RBFOX1: variants seen among roughly 807,000 people sequenced by gnomAD.
RBFOX1 encodes the protein RNA binding protein fox-1 homolog 1.
A neutral mutation model predicts 57.7 loss-of-function variants in RBFOX1; 8 were observed. That is an observed-to-expected ratio of 0.14 (90% CI 0.08 to 0.25). The LOEUF is 0.25. Ranked by LOEUF, RBFOX1 falls within the 10% of genes least tolerant of loss-of-function variation. RBFOX1 has a pLI of 1.00. For missense variants in RBFOX1, 611 were observed against 548.5 expected (o/e 1.11, Z -1.14); for synonymous variants, 326 against 222.4 (o/e 1.47, Z -4.15).
At chr16:6,999,524 A>T (rs1488037791) in intron 3 of RBFOX1, among the ~76,000 whole-genome samples, 4 of 151,872 alleles carry the variant, frequency 2.6e-5, no homozygotes, top group African/African-American at 9.7e-5. Context: ...AAAATGTTTT[A>T]TTATGAAAAA....
intron 1 of RBFOX1, among the ~76,000 whole-genome samples, chr16:6,134,755 G>T (rs112342322): frequency 3.3e-5 from 5 of 151,360 alleles, no homozygotes; most frequent in Admixed American, 3.3e-4. Context: ...TCGGCTCACT[G>T]CAATCTCCGC....
At chr16:6,990,711 G>T (rs145409924) in intron 3 of RBFOX1, among the ~76,000 whole-genome samples, 122 of 152,212 alleles carry the variant, frequency 8.0e-4, no homozygotes, top group African/African-American at 2.7e-3. Context: ...TTGTGAATGT[G>T]AGCTTGGACA....
At chr16:5,765,848 G>A (rs1245390524) in intron 3 of RBFOX1, among the ~76,000 whole-genome samples, 1 of 152,240 alleles carries the variant, frequency 6.6e-6, no homozygotes, top group Admixed American at 6.5e-5. Context: ...ACAAGGATGG[G>A]AGTGTGGAAG....
intron 3 of RBFOX1, among the ~76,000 whole-genome samples, chr16:5,743,198 C>A (rs2151596802): frequency 6.6e-6 from 1 of 152,228 alleles, no homozygotes; most frequent in African/African-American, 2.4e-5. Context: ...CTTTGTATGT[C>A]TCTGTGAATC....
At position 7,389,119 on chromosome 16, in the gene RBFOX1, CTTTTTA is replaced by C. The variant is rs540259114; in HGVS notation, c.28-129010_28-129005del. On this transcript the variant is annotated intron_variant, in intron 4 of 15. Transcript: ENST00000550418. ...TACAAGTTGGTCTATTTCTTTGTTC[CTTTTTA>C]TTTTTATTTTTATTTTTGGAGGCAG... Among the ~76,000 whole-genome samples the C allele has an allele frequency of 3.4e-3, 522 of 152,052 alleles. 2 individuals are homozygous for C. The highest frequency in any genetic ancestry group is 4.3e-3 in the Non-Finnish European group (289 of 67,950).
At chr16:5,686,351 T>C (rs2050504508) in intron 3 of RBFOX1, among the ~76,000 whole-genome samples, 1 of 152,232 alleles carries the variant, frequency 6.6e-6, no homozygotes, top group Non-Finnish European at 1.5e-5. Flanking sequence ...ATATAATTTG[T>C]AGTTTTGGGT....
At chr16:6,830,662 C>T (rs375071003) in intron 3 of RBFOX1, among the ~76,000 whole-genome samples, 1 of 152,162 alleles carries the variant, frequency 6.6e-6, no homozygotes, top group East Asian at 1.9e-4. Context: ...TACACAAAGA[C>T]TTCCCCAAGC....
At chr16:5,462,325 C>A (rs954632154) in intron 1 of RBFOX1, among the ~76,000 whole-genome samples, 1 of 152,080 alleles carries the variant, frequency 6.6e-6, no homozygotes, top group Non-Finnish European at 1.5e-5. Flanking sequence ...CCCGCCACCA[C>A]GCCCGGCTAA....
chr16:7,688,221 ATGTGTGTGTGTGTGTGTG>A (rs3029191), intron 14 of RBFOX1, among the ~76,000 whole-genome samples: 1,864 of 121,016 alleles, frequency 0.015, 72 homozygotes, highest in African/African-American at 0.055. Context: ...GCAGGTTTAA[ATGTGTGTGTGTGTGTGTG>A]TGTGTGTGTG....
chr16:7,250,977 TTAATA>T (rs1208253940), intron 4 of RBFOX1, among the ~76,000 whole-genome samples: 19 of 151,522 alleles, frequency 1.3e-4, no homozygotes, highest in African/African-American at 4.4e-4. Flanking sequence ...GTCAGGCTAA[TTAATA>T]CGTGTATTAT....
intron 4 of RBFOX1, among the ~76,000 whole-genome samples, chr16:7,313,591 A>G (rs2096370817): frequency 6.6e-6 from 1 of 151,462 alleles, no homozygotes; most frequent in Admixed American, 6.6e-5. Flanking sequence ...CTTCTTCCAC[A>G]ATGATGATCA....
intron 1 of RBFOX1, among the ~76,000 whole-genome samples, chr16:5,252,142 G>T (rs1421679191): frequency 2.6e-5 from 4 of 152,206 alleles, no homozygotes; most frequent in Non-Finnish European, 4.4e-5. Flanking sequence ...CCAGACAGAG[G>T]ACAGGGAAGT....
At chr16:7,339,083 C>T (rs562479371) in intron 4 of RBFOX1, among the ~76,000 whole-genome samples, 1 of 152,274 alleles carries the variant, frequency 6.6e-6, no homozygotes, top group Non-Finnish European at 1.5e-5. Flanking sequence ...AATTTGGAGT[C>T]AAACAGGTCC....
intron 1 of RBFOX1, among the ~76,000 whole-genome samples, chr16:6,284,990 G>A (rs6500767): frequency 0.93 from 141,788 of 152,214 alleles, 66,213 homozygotes; most frequent in East Asian, 1. Context: ...AAATTCACAG[G>A]AACAAGGGCT....
At chr16:6,883,259 A>G (rs9938531) in intron 3 of RBFOX1, among the ~76,000 whole-genome samples, 7,942 of 152,220 alleles carry the variant, frequency 0.052, 654 homozygotes, top group African/African-American at 0.18. Context: ...TCTTTTTTAA[A>G]GTTGTCCTAG....
intron 3 of RBFOX1, among the ~76,000 whole-genome samples, chr16:6,954,352 T>C (rs957416469): frequency 6.6e-6 from 1 of 152,148 alleles, no homozygotes; most frequent in African/African-American, 2.4e-5. Context: ...ATAGTTACAA[T>C]AACGGTCTTC....
At chr16:7,450,542 A>G (rs1219633151) in intron 4 of RBFOX1, among the ~76,000 whole-genome samples, 2 of 152,162 alleles carry the variant, frequency 1.3e-5, no homozygotes, top group African/African-American at 2.4e-5. Context: ...TTACAGATGA[A>G]GATACTATGG....
intron 3 of RBFOX1, among the ~76,000 whole-genome samples, chr16:6,995,500 C>G (rs922974026): frequency 2.0e-5 from 3 of 152,074 alleles, no homozygotes; most frequent in Non-Finnish European, 4.4e-5. Flanking sequence ...TGTGGTGGCT[C>G]ACGCATGTAA....
chr16:6,949,874 G>T (rs1242065542), intron 3 of RBFOX1, among the ~76,000 whole-genome samples: 1 of 151,688 alleles, frequency 6.6e-6, no homozygotes, highest in African/African-American at 2.4e-5. Context: ...CTCTGTTGCT[G>T]AACTGTTCTC....
Sources: allele counts gnomAD v4.1 joint callset (sites outside exome capture counted in the v4.1 genomes callset), GRCh38; gene constraint gnomAD v4.1.1; transcripts MANE v1.5; gene names NCBI Gene and HGNC (gene_info 2026-07-23, HGNC 2026-07-21).